The following CTNND2 variants were observed in gnomAD, a reference collection of about 807,000 sequenced individuals.
The protein encoded by CTNND2 is catenin delta-2.
Under a neutral mutation model 144.4 loss-of-function variants are expected in CTNND2, and 22 were observed. The ratio of observed to expected loss-of-function variants is 0.15; its 90% CI spans 0.11 to 0.22. The LOEUF is 0.22. Among genes scored for constraint, CTNND2 ranks in the 10% least tolerant of loss-of-function variants. The probability of loss-of-function intolerance (pLI) is 1.00; values close to 1 mark genes in which losing one functional copy is unlikely to be tolerated. For synonymous variants in CTNND2, 751 were observed against 695.6 expected (o/e 1.08, Z -1.25); for missense variants, 1,353 against 1,618.8 (o/e 0.84, Z 2.82).
At position 11,218,916 on chromosome 5, in the gene CTNND2, T is replaced by A. The variant is rs1479508884; in HGVS notation, c.1761+17775A>T. ...AGTCAATGTGCACAATTACAACAGG[T>A]ATACCCACCATTTTCACCACAGCTG... On this transcript the variant is annotated intron_variant, in intron 10 of 21. Transcript: ENST00000304623. Among the ~76,000 whole-genome samples, 14 of 152,172 alleles carry A rather than the reference T, an allele frequency of 9.2e-5. 1 individual carries two copies. The highest frequency in any genetic ancestry group is 8.5e-4 in the Admixed American group (13 of 15,280).
chr5:11,588,729 T>G (rs1374358223), intron 2 of CTNND2: 1 of 984,098 alleles, frequency 1.0e-6, no homozygotes, highest in South Asian at 4.7e-5. Context: ...ACTTTTTGTC[T>G]TTTACCTTTA....
chr5:11,746,232 T>A (rs983702285), intron 1 of CTNND2, among the ~76,000 whole-genome samples: 2 of 152,152 alleles, frequency 1.3e-5, no homozygotes, highest in African/African-American at 4.8e-5. Flanking sequence ...GTGTGCCAAT[T>A]CAGTTTACCA....
chr5:11,652,982 G>A (rs1782719968), intron 2 of CTNND2, among the ~76,000 whole-genome samples: 1 of 151,802 alleles, frequency 6.6e-6, no homozygotes, highest in Non-Finnish European at 1.5e-5. Flanking sequence ...TTCTTTCTGT[G>A]TCTAGCTTAT....
intron 3 of CTNND2, among the ~76,000 whole-genome samples, chr5:11,488,939 T>C (rs1298080802): frequency 2.0e-5 from 3 of 152,318 alleles, no homozygotes; most frequent in Non-Finnish European, 2.9e-5. Context: ...CATGGACGTG[T>C]AGAGTTTAAG....
chr5:11,563,602 C>T (rs1001713029), intron 3 of CTNND2, among the ~76,000 whole-genome samples: 1 of 152,098 alleles, frequency 6.6e-6, no homozygotes, highest in Non-Finnish European at 1.5e-5. Flanking sequence ...CCATGATGTA[C>T]GTATTTGCAG....
At chr5:11,099,445 A>C (rs972266521) in intron 14 of CTNND2, among the ~76,000 whole-genome samples, 1 of 152,198 alleles carries the variant, frequency 6.6e-6, no homozygotes, top group African/African-American at 2.4e-5. Context: ...TATGGCTTAC[A>C]CGCACAAAGG....
intron 3 of CTNND2, among the ~76,000 whole-genome samples, chr5:11,415,988 T>C (rs1341151213): frequency 6.6e-6 from 1 of 152,076 alleles, no homozygotes. Flanking sequence ...GAGAAACAAA[T>C]AATTGTTGTG....
Position 11,132,603 on chromosome 5 carries a change from G to A in CTNND2, c.2160-15036C>T, listed in dbSNP as rs145901892. Among the ~76,000 whole-genome samples, 56 of 152,296 alleles carry A rather than the reference G, an allele frequency of 3.7e-4. 4 individuals carry two copies. The East Asian group carries it at 8.1e-3, about 22-fold the overall frequency. Reference sequence around the variant, plus strand: ...TAGACTTCCAGCTCCCAGAATGTGAGAAATACATTTCTGCTGTTTGTAAGC... The same window carrying A: ...TAGACTTCCAGCTCCCAGAATGTGAAAAATACATTTCTGCTGTTTGTAAGC... On this transcript the variant is annotated intron_variant, in intron 12 of 21. Transcript: ENST00000304623.
At chr5:11,282,711 T>C (rs1052136889) in intron 9 of CTNND2, among the ~76,000 whole-genome samples, 4 of 152,252 alleles carry the variant, frequency 2.6e-5, no homozygotes, top group Admixed American at 6.5e-5. Flanking sequence ...GGCTTTCATA[T>C]GTAAACTTAA....
At chr5:11,773,486 T>A (rs1790063348) in intron 1 of CTNND2, among the ~76,000 whole-genome samples, 1 of 152,234 alleles carries the variant, frequency 6.6e-6, no homozygotes, top group Non-Finnish European at 1.5e-5. Context: ...TATTTTTTCT[T>A]TACAAGTTTC....
chr5:11,274,480 G>GA (rs1054591054), intron 9 of CTNND2, among the ~76,000 whole-genome samples: 2 of 150,186 alleles, frequency 1.3e-5, no homozygotes, highest in African/African-American at 4.9e-5. Context: ...GCCCAAGATA[G>GA]AAAAAAAATG....
rs58435800 is a variant in CTNND2 at position 11,470,981 on chromosome 5, T to TATATATATATATATATA, written c.288-58913_288-58912insTATATATATATATATAT. Among the ~76,000 whole-genome samples the TATATATATATATATATA allele has an allele frequency of 5.8e-3, 370 of 63,664 alleles. 2 individuals are homozygous for TATATATATATATATATA. The highest frequency in any genetic ancestry group is 7.8e-3 in the Non-Finnish European group (279 of 35,812). The allele number at this position is 63,664 out of a possible 152,430, so 41.8% of individuals were successfully genotyped here. On this transcript the variant is annotated intron_variant, in intron 3 of 21. Coordinates refer to ENST00000304623, the MANE Select transcript of CTNND2 (RefSeq NM_001332.4). ...ATATATATATATATATATATATATATTTTTTTTTTTTTTTTAGATGGAGTC... is the reference window on the plus strand; with the variant it reads ...ATATATATATATATATATATATATATATATATATATATATATATTTTTTTTTTTTTTTAGATGGAGTC...
At chr5:11,896,562 G>C (rs1737409152) in intron 1 of CTNND2, among the ~76,000 whole-genome samples, 1 of 152,036 alleles carries the variant, frequency 6.6e-6, no homozygotes, top group Non-Finnish European at 1.5e-5. Context: ...GCTAATTAAT[G>C]AACTTCACCC....
chr5:11,572,691 G>A (rs892922145), intron 2 of CTNND2, among the ~76,000 whole-genome samples: 3 of 152,044 alleles, frequency 2.0e-5, no homozygotes, highest in Non-Finnish European at 2.9e-5. Context: ...TCCCCCAGTG[G>A]CCCGCTACAG....
At chr5:11,332,887 A>G (rs918285376) in intron 9 of CTNND2, among the ~76,000 whole-genome samples, 1 of 152,212 alleles carries the variant, frequency 6.6e-6, no homozygotes, top group Non-Finnish European at 1.5e-5. Context: ...ATGGTTTTAT[A>G]AGGGGAAACC....
At chr5:11,818,932 C>T (rs1181423290) in intron 1 of CTNND2, among the ~76,000 whole-genome samples, 2 of 152,004 alleles carry the variant, frequency 1.3e-5, no homozygotes, top group East Asian at 1.9e-4. Context: ...AAGCAGGCAC[C>T]ATGTGTCTCA....
intron 3 of CTNND2, among the ~76,000 whole-genome samples, chr5:11,492,275 A>C (rs903036767): frequency 6.6e-6 from 1 of 152,184 alleles, no homozygotes; most frequent in Non-Finnish European, 1.5e-5. Flanking sequence ...CCTGTGGCAA[A>C]GGAGCTTTTA....
At chr5:11,636,975 C>A (rs564918681) in intron 2 of CTNND2, among the ~76,000 whole-genome samples, 1 of 151,956 alleles carries the variant, frequency 6.6e-6, no homozygotes, top group South Asian at 2.1e-4. Context: ...ATATCATGAT[C>A]CAGGAAACCA....
chr5:11,681,109 C>T (rs1345771536), intron 2 of CTNND2, among the ~76,000 whole-genome samples: 2 of 152,056 alleles, frequency 1.3e-5, no homozygotes, highest in Non-Finnish European at 2.9e-5. Context: ...TCCAGCTGAG[C>T]CTGGAGGAAT....
Sources: allele counts gnomAD v4.1 joint callset (sites outside exome capture counted in the v4.1 genomes callset), GRCh38; gene constraint gnomAD v4.1.1; transcripts MANE v1.5; gene names NCBI Gene and HGNC (gene_info 2026-07-23, HGNC 2026-07-21).